The following GRID2 variants were observed in gnomAD, a reference collection of about 807,000 sequenced individuals.
The protein encoded by GRID2 is glutamate receptor ionotropic, delta-2.
In GRID2, 33 loss-of-function variants were observed where a neutral mutation model predicts 114.8. The ratio of observed to expected loss-of-function variants is 0.29; its 90% CI spans 0.22 to 0.38. The LOEUF is 0.38. Among genes scored for constraint, GRID2 ranks in the 10% least tolerant of loss-of-function variants. The pLI is 1.00. For synonymous variants in GRID2, 505 were observed against 449.9 expected (o/e 1.12, Z -1.55); for missense variants, 1,184 against 1,257.7 (o/e 0.94, Z 0.89).
At chr4:93,083,775 A>C (rs1489243826) in intron 2 of GRID2, among the ~76,000 whole-genome samples, 1 of 151,936 alleles carries the variant, frequency 6.6e-6, no homozygotes, top group Non-Finnish European at 1.5e-5. Context: ...TTCATGAGGC[A>C]ATGCTTGAAA....
At chr4:92,928,704 G>C (rs1435256514) in intron 2 of GRID2, among the ~76,000 whole-genome samples, 1 of 151,558 alleles carries the variant, frequency 6.6e-6, no homozygotes, top group Non-Finnish European at 1.5e-5. Flanking sequence ...CTGAACTAAA[G>C]GTCTGATCAT....
At chr4:92,948,949 T>C (rs1751838485) in intron 2 of GRID2, among the ~76,000 whole-genome samples, 1 of 151,948 alleles carries the variant, frequency 6.6e-6, no homozygotes, top group South Asian at 2.1e-4. Flanking sequence ...GGAAGAAACT[T>C]CCTCCAGTCA....
At chr4:93,085,485 A>G (rs1273249577) in intron 3 of GRID2, among the ~76,000 whole-genome samples, 2 of 152,208 alleles carry the variant, frequency 1.3e-5, no homozygotes, top group Admixed American at 6.5e-5. Context: ...AACTTTAAAT[A>G]TAAATACCTG....
At position 92,434,089 on chromosome 4, in the gene GRID2, C is replaced by T. The variant is rs559558815; in HGVS notation, c.88+129345C>T. ...CAACCAGTTATTCTTTGAGATAATA[C>T]GTTGTTCTCAGTTTTCTTCAGTAGT... is the stretch of plus-strand genomic sequence containing the variant. On this transcript the variant is annotated intron_variant, in intron 1 of 15. Transcript: ENST00000282020. 7.9e-5 allele frequency among the ~76,000 whole-genome samples: 12 copies of T among 152,250 alleles called. 1 individual carries two copies. In the East Asian group the frequency reaches 1.4e-3, roughly 17 times the overall value.
At chr4:93,470,733 A>T (rs538946134) in intron 11 of GRID2, among the ~76,000 whole-genome samples, 1 of 152,268 alleles carries the variant, frequency 6.6e-6, no homozygotes, top group African/African-American at 2.4e-5. Context: ...AATTAAAAAC[A>T]AATATTGTGT....
rs537624519 is a variant in GRID2 at position 92,937,328 on chromosome 4, T to C, written c.245-147667T>C. ...AAGAATTTTATAGTTTTAGCACTTA[T>C]ATTTAAGTCTTTGATCCATTATAAG... On this transcript the variant is annotated intron_variant, in intron 2 of 15. Transcript: ENST00000282020. Among the ~76,000 whole-genome samples, 6 of 146,984 alleles carry C rather than the reference T, an allele frequency of 4.1e-5. 1 individual carries two copies. The highest frequency in any genetic ancestry group is 2.2e-4 in the East Asian group (1 of 4,624).
chr4:93,268,758 CTGAT>C (rs908919822), intron 8 of GRID2, among the ~76,000 whole-genome samples: 3 of 152,024 alleles, frequency 2.0e-5, no homozygotes, highest in African/African-American at 7.2e-5. Context: ...TCTAAACTGA[CTGAT>C]AGCAGGTATC....
intron 11 of GRID2, among the ~76,000 whole-genome samples, chr4:93,478,843 C>G (rs1204029620): frequency 6.6e-6 from 1 of 152,000 alleles, no homozygotes. Context: ...TCAGAGAAGT[C>G]TACAGGAAAT....
At chr4:92,760,588 T>C in intron 2 of GRID2, among the ~76,000 whole-genome samples, 1 of 152,016 alleles carries the variant, frequency 6.6e-6, no homozygotes. Flanking sequence ...AATCTATAGC[T>C]CTCCCAATTC....
chr4:93,230,251 A>G (rs1459459911), intron 7 of GRID2, among the ~76,000 whole-genome samples: 1 of 152,046 alleles, frequency 6.6e-6, no homozygotes, highest in African/African-American at 2.4e-5. Flanking sequence ...TTGATGTTTC[A>G]TATATTTTTT....
Position 92,918,555 on chromosome 4 carries a change from G to T in GRID2, c.245-166440G>T, listed in dbSNP as rs562064161. ...ATACCGAATTTATGGAGAGTTTTTA[G>T]CATGAAGGGTTGTTGAATTTTGTCA... On this transcript the variant is annotated intron_variant, in intron 2 of 15. Transcript: ENST00000282020. Among the ~76,000 whole-genome samples the T allele has an allele frequency of 8.5e-5, 13 of 152,270 alleles. No homozygotes were observed. In the South Asian group the frequency reaches 2.5e-3, roughly 29 times the overall value.
At chr4:92,342,189 A>C (rs1021243971) in intron 1 of GRID2, among the ~76,000 whole-genome samples, 1 of 152,172 alleles carries the variant, frequency 6.6e-6, no homozygotes, top group Non-Finnish European at 1.5e-5. Context: ...GTATATATAT[A>C]CACCCATAAA....
At position 92,577,222 on chromosome 4, in the gene GRID2, T is replaced by C. The variant is rs556465272; in HGVS notation, c.89-12909T>C. On this transcript the variant is annotated intron_variant, in intron 1 of 15. Transcript: ENST00000282020. ...TGAAGAACAGATGTAATGGAATGAG[T>C]CTTGAAAAAAAGACTGTGTAGAGTG... 3.2e-4 allele frequency among the ~76,000 whole-genome samples: 49 copies of C among 152,066 alleles called. No homozygotes were observed. In the East Asian group the frequency reaches 9.5e-3, roughly 29 times the overall value.
intron 14 of GRID2, among the ~76,000 whole-genome samples, chr4:93,678,418 T>A (rs1377531092): frequency 6.6e-6 from 1 of 151,840 alleles, no homozygotes; most frequent in East Asian, 1.9e-4. Context: ...ATTCAGGAAA[T>A]ACAGAGAATG....
intron 1 of GRID2, among the ~76,000 whole-genome samples, chr4:93,791,886 A>C (rs1734702302): frequency 6.6e-6 from 1 of 152,248 alleles, no homozygotes; most frequent in Non-Finnish European, 1.5e-5. Flanking sequence ...TTTGAAAAAT[A>C]AAGTATTTTA....
intron 4 of GRID2, among the ~76,000 whole-genome samples, chr4:93,191,558 T>C (rs1740981286): frequency 6.6e-6 from 1 of 152,160 alleles, no homozygotes; most frequent in African/African-American, 2.4e-5. Context: ...TTATAAATTG[T>C]GCACAGAGCC....
At chr4:93,299,732 T>G (rs1754674370) in intron 8 of GRID2, among the ~76,000 whole-genome samples, 1 of 151,668 alleles carries the variant, frequency 6.6e-6, no homozygotes, top group South Asian at 2.1e-4. Context: ...GGATTAAATC[T>G]GGATTTCTTT....
chr4:92,593,690 A>G lies in GRID2; in HGVS notation c.244+3404A>G, dbSNP rs180989337. On this transcript the variant is annotated intron_variant, in intron 2 of 15. Transcript: ENST00000282020. ...ATAGAAAAAAATTTCTGTTTTCACA[A>G]AAGTTATCTGGAAATAAATTACCTA... Among the ~76,000 whole-genome samples, 35 of 151,972 alleles carry G rather than the reference A, an allele frequency of 2.3e-4. No individual in the cohort carries two copies. The East Asian group carries it at 3.7e-3, about 16-fold the overall frequency.
chr4:92,592,003 A>G (rs1450581510), intron 2 of GRID2, among the ~76,000 whole-genome samples: 1 of 152,086 alleles, frequency 6.6e-6, no homozygotes, highest in Non-Finnish European at 1.5e-5. Flanking sequence ...AAATGTTAAT[A>G]AATATTAATA....
Sources: allele counts gnomAD v4.1 joint callset (sites outside exome capture counted in the v4.1 genomes callset), GRCh38; gene constraint gnomAD v4.1.1; transcripts MANE v1.5; gene names NCBI Gene and HGNC (gene_info 2026-07-23, HGNC 2026-07-21).